Variants in ITIH5 observed in about 807,000 individuals in gnomAD.
ITIH5 encodes inter-alpha-trypsin inhibitor heavy chain 5, also known as inter-alpha-trypsin inhibitor heavy chain H5.
A neutral mutation model predicts 77.5 loss-of-function variants in ITIH5; 65 were observed. The observed-to-expected ratio is 0.84, with a 90% CI of 0.69 to 1.03. ITIH5 has a LOEUF of 1.03. Among genes scored for constraint, ITIH5 ranks in the 50% least tolerant of loss-of-function variants. The pLI is 0.00. For missense variants in ITIH5, 1,208 were observed against 1,213.1 expected (o/e 1.00, Z 0.06); for synonymous variants, 525 against 494.3 (o/e 1.06, Z -0.82).
chr10:7,636,833 C>T (rs1265539614), intron 5 of ITIH5, among the ~76,000 whole-genome samples: 1 of 152,110 alleles, frequency 6.6e-6, no homozygotes, highest in Non-Finnish European at 1.5e-5. Context: ...GCGGGTGGAT[C>T]ACGAGGTCAG....
At position 7,562,858 on chromosome 10, in the gene ITIH5, AG is replaced by A. The variant is rs1446031269; in HGVS notation, c.*224del. The A allele has an allele frequency of 7.0e-6, 4 of 571,430 alleles. No individual in the cohort carries two copies. Among genetic ancestry groups the A allele is most frequent in the Admixed American group, 2.9e-5 (1 of 34,352 alleles). The allele number at this position is 571,430 out of a possible 1,614,324, so 35.4% of individuals were successfully genotyped here. ...GGATGTGGGCAGGGTGGGGAGAGGC[AG>A]GAAGAGGCAGTAGAGGGAAATGACA... On this transcript the variant is annotated 3_prime_UTR_variant, in exon 14 of 14. Transcript: ENST00000397146.
Position 7,566,108 on chromosome 10 carries a change from C to G in ITIH5, c.2449G>C (p.Ala817Pro), listed in dbSNP as rs2130937742. The G allele has an allele frequency of 6.2e-7, 1 of 1,614,088 alleles. No homozygotes were observed. Among genetic ancestry groups the G allele is most frequent in the East Asian group, 2.2e-5 (1 of 44,880 alleles). Residue 817 changes from alanine to proline, a missense_variant, in exon 13 of 14, where the codon GCG (alanine) becomes CCG (proline). Ala to Pro is a conservative substitution (Grantham distance 27, BLOSUM62 -1). Transcript: ENST00000397146. ...VILIHLYKKP[A>P]PFQRHHLGFY... is the part of the protein sequence containing the mutation. ...CCCAGGTGGTGTCGCTGGAAGGGCG[C>G]CGGCTTTTTGTAGAGGTGGATGAGG...
chr10:7,569,556 T>C (rs1368390827), intron 12 of ITIH5, 112 bp downstream of exon 12: 5 of 633,334 alleles, frequency 7.9e-6, no homozygotes, highest in East Asian at 2.8e-5. Context: ...CGATACTCAC[T>C]GAGCGTCTGT....
chr10:7,637,154 A>G (rs1833810991), intron 5 of ITIH5, 74 bp downstream of exon 5: 1 of 1,530,072 alleles, frequency 6.5e-7, no homozygotes, highest in South Asian at 1.2e-5. Context: ...CATCTCTTGC[A>G]GATTTCTCCG....
At chr10:7,574,864 T>C (rs914477809) in intron 10 of ITIH5, among the ~76,000 whole-genome samples, 3 of 151,820 alleles carry the variant, frequency 2.0e-5, no homozygotes, top group Non-Finnish European at 4.4e-5. Context: ...TCCTCTGTCT[T>C]TCTGGCCCCC....
intron 8 of ITIH5, 54 bp downstream of exon 8, chr10:7,585,847 A>AC: frequency 2.0e-6 from 3 of 1,495,230 alleles, no homozygotes; most frequent in South Asian, 1.3e-5. Flanking sequence ...AAAACCAAAA[A>AC]AAAAAACATT....
chr10:7,624,804 T>TAC (rs1833534373), intron 5 of ITIH5, among the ~76,000 whole-genome samples: 1 of 14,854 alleles, frequency 6.7e-5, no homozygotes, highest in Non-Finnish European at 1.3e-4. Context: ...AAAAAATATA[T>TAC]ATATATATAC....
At chr10:7,647,024 G>T (rs1004980732) in intron 2 of ITIH5, among the ~76,000 whole-genome samples, 1 of 152,130 alleles carries the variant, frequency 6.6e-6, no homozygotes, top group African/African-American at 2.4e-5. Context: ...AATGCAATCT[G>T]CCACTGAACA....
chr10:7,654,596 C>T (rs1834150503), intron 2 of ITIH5, among the ~76,000 whole-genome samples: 1 of 152,184 alleles, frequency 6.6e-6, no homozygotes, highest in Non-Finnish European at 1.5e-5. Flanking sequence ...CAATGCAAAC[C>T]AACTGCATGG....
chr10:7,629,358 C>CATGTTGTAGAGTGTGT (rs1385278865), intron 5 of ITIH5, among the ~76,000 whole-genome samples: 2 of 133,716 alleles, frequency 1.5e-5, no homozygotes, highest in African/African-American at 6.3e-5. Context: ...AGCGTGTGTC[C>CATGTTGTAGAGTGTGT]CTGTTGTAGC....
At chr10:7,564,399 A>G (rs2130934411) in intron 13 of ITIH5, among the ~76,000 whole-genome samples, 1 of 152,330 alleles carries the variant, frequency 6.6e-6, no homozygotes, top group African/African-American at 2.4e-5. Context: ...ATTTTAATCA[A>G]TGATGGACTG....
intron 5 of ITIH5, among the ~76,000 whole-genome samples, chr10:7,624,819 ATATATGTGTATATACATG>A (rs1833539039): frequency 2.2e-5 from 3 of 137,602 alleles, no homozygotes; most frequent in African/African-American, 8.3e-5. Context: ...ATATACACAT[ATATATGTGTATATACATG>A]TATATACACA....
intron 8 of ITIH5, among the ~76,000 whole-genome samples, chr10:7,582,656 C>CA (rs1228317873): frequency 9.9e-5 from 15 of 151,958 alleles, no homozygotes; most frequent in East Asian, 3.9e-4. Context: ...TATTCAGCCA[C>CA]AAAAAAGAAT....
At chr10:7,584,907 A>G (rs2130974306) in intron 8 of ITIH5, among the ~76,000 whole-genome samples, 1 of 152,342 alleles carries the variant, frequency 6.6e-6, no homozygotes, top group South Asian at 2.1e-4. Flanking sequence ...ACTGTTTGGG[A>G]GGCTAGTAGG....
At chr10:7,634,698 T>A (rs1224970006) in intron 5 of ITIH5, among the ~76,000 whole-genome samples, 1 of 152,130 alleles carries the variant, frequency 6.6e-6, no homozygotes, top group Non-Finnish European at 1.5e-5. Flanking sequence ...TCATTATGAT[T>A]CTGAAAATTA....
chr10:7,587,564 A>G (rs1832706990), intron 7 of ITIH5, among the ~76,000 whole-genome samples: 1 of 152,200 alleles, frequency 6.6e-6, no homozygotes, highest in Non-Finnish European at 1.5e-5. Context: ...GCTCTCTGAT[A>G]TCACTGCGCC....
chr10:7,611,405 T>C (rs1833241490), intron 7 of ITIH5, among the ~76,000 whole-genome samples: 1 of 152,240 alleles, frequency 6.6e-6, no homozygotes, highest in Admixed American at 6.5e-5. Context: ...CATTAGTTTT[T>C]CTCTGGATAA....
At chr10:7,644,600 A>G (rs1833955912) in intron 2 of ITIH5, among the ~76,000 whole-genome samples, 1 of 107,758 alleles carries the variant, frequency 9.3e-6, no homozygotes, top group African/African-American at 3.5e-5. Context: ...TATATCATAC[A>G]TATCACATAT....
At chr10:7,594,611 CG>C (rs202173478) in intron 7 of ITIH5, among the ~76,000 whole-genome samples, 4 of 145,870 alleles carry the variant, frequency 2.7e-5, no homozygotes, top group African/African-American at 1.0e-4. Context: ...AGGCCTGATT[CG>C]CGAGGGGATT....
Sources: allele counts gnomAD v4.1 joint callset (sites outside exome capture counted in the v4.1 genomes callset), GRCh38; gene constraint gnomAD v4.1.1; transcripts MANE v1.5; gene names NCBI Gene and HGNC (gene_info 2026-07-23, HGNC 2026-07-21).